The following SH2D3C variants were observed in gnomAD, a reference collection of about 807,000 sequenced individuals.
SH2D3C encodes SH2 domain-containing protein 3C.
A neutral mutation model predicts 75.2 loss-of-function variants in SH2D3C; 25 were observed. The ratio of observed to expected loss-of-function variants is 0.33; its 90% confidence interval spans 0.24 to 0.46. The LOEUF (loss-of-function observed/expected upper bound fraction) is 0.46, where lower values mean the gene tolerates loss of function less well. Among genes scored for constraint, SH2D3C ranks in the 20% least tolerant of loss-of-function variants. The pLI, the probability that SH2D3C is intolerant of heterozygous loss-of-function variation, is 1.00. For synonymous variants in SH2D3C, 450 were observed against 473.7 expected, an observed-to-expected ratio of 0.95 and a Z score of 0.65; for missense variants, 933 against 1,165.3, an observed-to-expected ratio of 0.80 and a Z score of 2.90.
chr9:127,765,321 T>G (rs1845613335), intron 2 of SH2D3C, among the ~76,000 whole-genome samples: 1 of 152,180 alleles, frequency 6.6e-6, no homozygotes, highest in African/African-American at 2.4e-5. Context: ...ACGCATTTCC[T>G]CTCATGCAGG....
rs899722411 is a variant in SH2D3C, at chr9:127,749,722, G to C, written c.685-57C>G. On this transcript the variant is annotated intron_variant, in intron 4 of 11. Transcript: ENST00000314830. The surrounding 1 kb of genome is among the most constrained non-coding windows in gnomAD (Gnocchi z 5.9). Reference sequence around the variant, plus strand: ...TGGGGCCAGGAGAGGGTCAGACCCAGGATCTGGGGGACAGAGCAACCCAGG... The same window carrying C: ...TGGGGCCAGGAGAGGGTCAGACCCACGATCTGGGGGACAGAGCAACCCAGG... 2 of 1,160,652 alleles carry C rather than the reference G, an allele frequency of 1.7e-6. No individual in the cohort carries two copies. Among genetic ancestry groups the C allele is most frequent in the Non-Finnish European group, 2.5e-6 (2 of 808,458 alleles). 71.9% of individuals were successfully genotyped at this position (1,160,652 alleles called of 1,614,324 possible). A position where few individuals can be genotyped will look rare whatever the true frequency, so the allele number is the denominator to read the frequency against.
intron 3 of SH2D3C, among the ~76,000 whole-genome samples, chr9:127,753,131 G>T (rs563334080): frequency 2.0e-5 from 3 of 152,094 alleles, no homozygotes; most frequent in Non-Finnish European, 4.4e-5. Flanking sequence ...AGGGAGCTGG[G>T]GTTTATCTGG....
chr9:127,740,977 G>A (rs1844838596), intron 9 of SH2D3C, among the ~76,000 whole-genome samples: 1 of 152,204 alleles, frequency 6.6e-6, no homozygotes, highest in South Asian at 2.1e-4. Flanking sequence ...TACCGCGCCT[G>A]GCTGTTGTTA....
In SH2D3C at chr9:127,749,410, T is replaced by C. The variant is rs576796086; in HGVS notation, c.940A>G (p.Ile314Val). Residue 314 changes from isoleucine to valine, a missense_variant, in exon 5 of 12, where the codon ATC becomes GTC. Transcript: ENST00000314830. The surrounding 1 kb of genome is among the most constrained non-coding windows in gnomAD (Gnocchi z 5.9). Reference protein sequence around the residue: ...RKAVSEQSGAIIYCPVNRTFP... With the variant: ...RKAVSEQSGAVIYCPVNRTFP... ...GTGCGGTTCACCGGGCAGTAGATGA[T>C]GGCACCACTCTGCTCTGACACAGCC... 1.2e-5 allele frequency: 19 copies of C among 1,614,070 alleles called. No individual in the cohort carries two copies. The highest frequency in any genetic ancestry group is 3.3e-5 in the Admixed American group (2 of 60,008).
At chr9:127,753,862 G>T (rs576994751) in intron 3 of SH2D3C, among the ~76,000 whole-genome samples, 145 of 152,354 alleles carry the variant, frequency 9.5e-4, no homozygotes, top group African/African-American at 3.4e-3. Context: ...GAGGGAGGAG[G>T]CTGGATGTTG....
intron 2 of SH2D3C, among the ~76,000 whole-genome samples, chr9:127,769,414 G>A (rs148156639): frequency 1.1e-4 from 17 of 152,108 alleles, no homozygotes; most frequent in African/African-American, 2.7e-4. Context: ...AGGCTGAGGC[G>A]GGCAGATCAC....
Position 127,751,425 on chromosome 9 carries a change from GC to G in SH2D3C, c.556-126del. The G allele has an allele frequency of 1.1e-6, 1 of 888,722 alleles. No homozygotes were observed. The highest frequency in any genetic ancestry group is 1.8e-6 in the Non-Finnish European group (1 of 566,026). The allele number at this position is 888,722 out of a possible 1,614,324, so 55.1% of individuals were successfully genotyped here. A position where few individuals can be genotyped will look rare whatever the true frequency, so the allele number is the denominator to read the frequency against. On this transcript the variant is annotated intron_variant, in intron 3 of 11. Coordinates refer to ENST00000314830, the MANE Select transcript of SH2D3C (RefSeq NM_170600.3). The surrounding 1 kb of genome is among the most constrained non-coding windows in gnomAD (Gnocchi z 4.1). Reference sequence around the variant, plus strand: ...ACTCTGGGAACACTAAGGCACAGGTGCCAGACCCTTTCCCATGGGTCCCAGA... The same window carrying G: ...ACTCTGGGAACACTAAGGCACAGGTGCAGACCCTTTCCCATGGGTCCCAGA...
At position 127,767,114 on chromosome 9, in the gene SH2D3C, C is replaced by T. The variant is rs770922261; in HGVS notation, c.516-5464G>A. On this transcript the variant is annotated intron_variant, in intron 2 of 11. Coordinates refer to ENST00000314830, the MANE Select transcript of SH2D3C (RefSeq NM_170600.3). ...CCCAGCACATTCTGCTCCCTCTCCACCGTCTGGAGCCCTCAGTTTTCCTGA... is the reference window on the plus strand; with the variant it reads ...CCCAGCACATTCTGCTCCCTCTCCATCGTCTGGAGCCCTCAGTTTTCCTGA... 12 of 1,536,046 alleles carry T rather than the reference C, an allele frequency of 7.8e-6. No homozygotes were observed. The South Asian group carries it at 1.3e-4, about 17-fold the overall frequency.
chr9:127,776,641 A>G (rs1284704296), intron 1 of SH2D3C, among the ~76,000 whole-genome samples: 1 of 151,992 alleles, frequency 6.6e-6, no homozygotes, highest in African/African-American at 2.4e-5. Flanking sequence ...AGCATCCTCC[A>G]CCTCCTCAGC....
Position 127,749,588 on chromosome 9 carries a change from G to T in SH2D3C, c.762C>A (p.Leu254=). The T allele has an allele frequency of 6.2e-7, 1 of 1,606,648 alleles. No homozygotes were observed. Among genetic ancestry groups the T allele is most frequent in the Non-Finnish European group, 8.5e-7 (1 of 1,176,684 alleles). Residue 254 remains leucine (L), a synonymous_variant, in exon 5 of 12, where the codon CTC becomes CTA. Transcript: ENST00000314830. The surrounding 1 kb of genome is among the most constrained non-coding windows in gnomAD (Gnocchi z 5.9). ...AGGCCTGGTTGCGCCAGCGGCACGTGAGCACATAGTCGCCCAGGCTGGTGA... is the reference window on the plus strand; with the variant it reads ...AGGCCTGGTTGCGCCAGCGGCACGTTAGCACATAGTCGCCCAGGCTGGTGA... ...DSLTSLGDYV[L]TCRWRNQALH...
intron 4 of SH2D3C, among the ~76,000 whole-genome samples, chr9:127,750,496 C>G (rs1158036711): frequency 6.6e-6 from 1 of 152,170 alleles, no homozygotes; most frequent in African/African-American, 2.4e-5. Context: ...GGCTTCCATC[C>G]TCAGTGTCCC....
At chr9:127,757,639 G>GAT (rs1491164746) in intron 3 of SH2D3C, among the ~76,000 whole-genome samples, 1 of 115,328 alleles carries the variant, frequency 8.7e-6, no homozygotes, top group South Asian at 2.9e-4. Context: ...TGATGATGAT[G>GAT]ATGATGATTA....
chr9:127,741,534 G>C (rs1239453710), intron 9 of SH2D3C, among the ~76,000 whole-genome samples: 1 of 152,210 alleles, frequency 6.6e-6, no homozygotes, highest in Admixed American at 6.5e-5. Flanking sequence ...ACGGCACCCG[G>C]CCTATTCTTA....
intron 3 of SH2D3C, among the ~76,000 whole-genome samples, chr9:127,761,211 A>T (rs763303126): frequency 2.0e-5 from 3 of 152,178 alleles, no homozygotes; most frequent in Non-Finnish European, 2.9e-5. Context: ...TGTGCCCATT[A>T]TCTGTGATAA....
chr9:127,762,218 T>A, intron 2 of SH2D3C: 1 of 1,199,330 alleles, frequency 8.3e-7, no homozygotes, highest in Non-Finnish European at 1.1e-6. Context: ...GAATTGATTC[T>A]GCCCCCAGGG....
intron 2 of SH2D3C, among the ~76,000 whole-genome samples, chr9:127,770,235 C>T (rs545525020): frequency 8.5e-5 from 13 of 152,254 alleles, no homozygotes; most frequent in African/African-American, 3.1e-4. Context: ...CAGGAAACCC[C>T]TGCAGCCTCA....
At chr9:127,761,794 C>T in intron 2 of SH2D3C, 144 bp from the exon 3 acceptor site, 1 of 614,630 alleles carries the variant, frequency 1.6e-6, no homozygotes, top group Non-Finnish European at 2.8e-6. Flanking sequence ...CACTTATCAG[C>T]TGGCCTGGCT....
intron 8 of SH2D3C, 132 bp from the exon 9 acceptor site, chr9:127,742,091 G>C (rs896305697): frequency 4.1e-5 from 33 of 798,092 alleles, no homozygotes; most frequent in South Asian, 1.7e-4. Context: ...AAGGGTCAAT[G>C]GGATAAGGGG....
chr9:127,743,003 G>C, intron 7 of SH2D3C, 39 bp from the exon 8 acceptor site: 1 of 1,509,818 alleles, frequency 6.6e-7, no homozygotes, highest in Non-Finnish European at 9.2e-7. Flanking sequence ...TATCCTGTCA[G>C]GGCTGGCCCC....
Sources: allele counts gnomAD v4.1 joint callset (sites outside exome capture counted in the v4.1 genomes callset), GRCh38; gene constraint gnomAD v4.1.1; non-coding constraint Gnocchi (gnomAD v3.1); transcripts MANE v1.5; gene names NCBI Gene and HGNC (gene_info 2026-07-23, HGNC 2026-07-21).